The following ANO2 variants were observed in gnomAD, a reference collection of about 807,000 sequenced individuals.
ANO2 encodes anoctamin 2, also known as anoctamin-2.
ANO2 carries 101 observed loss-of-function variants against 124.2 expected under a neutral mutation model. The observed-to-expected ratio is 0.81, with a 90% CI of 0.69 to 0.96. The LOEUF (loss-of-function observed/expected upper bound fraction) is 0.96. ANO2 is among the 40% of genes least tolerant of loss of function. The pLI, the probability that ANO2 is intolerant of heterozygous loss-of-function variation, is 0.00. For synonymous variants in ANO2, 486 were observed against 482.5 expected, an observed-to-expected ratio of 1.01 and a Z score of -0.09; for missense variants, 1,293 against 1,274.5, an observed-to-expected ratio of 1.01 and a Z score of -0.22.
intron 10 of ANO2, among the ~76,000 whole-genome samples, chr12:5,778,313 A>G (rs1236326870): frequency 6.6e-6 from 1 of 152,222 alleles, no homozygotes; most frequent in Non-Finnish European, 1.5e-5. Context: ...AATAATGGAA[A>G]ACTAGGATTC....
chr12:5,791,982 A>C (rs113901179), intron 10 of ANO2, among the ~76,000 whole-genome samples: 5,987 of 152,172 alleles, frequency 0.039, 369 homozygotes, highest in African/African-American at 0.13. Context: ...TTGTAATATA[A>C]ATAAATGTAT....
rs1221149587 is a variant in ANO2, at chr12:5,563,211, G to C, written c.*88C>G. 1 of 1,481,546 alleles carries C rather than the reference G, an allele frequency of 6.7e-7. No individual in the cohort carries two copies. The highest frequency in any genetic ancestry group is 1.4e-5 in the African/African-American group (1 of 72,048). 91.8% of individuals were successfully genotyped at this position (1,481,546 alleles called of 1,614,324 possible). On this transcript the variant is annotated 3_prime_UTR_variant, in exon 25 of 25. Coordinates refer to ENST00000682330, the MANE Select transcript of ANO2 (RefSeq NM_001364791.2). Reference sequence around the variant, plus strand: ...CCATCAAGCCAGGCCCCTGCAGACAGACAGCACGCCATGTGGGTGTAGGAA... The same window carrying C: ...CCATCAAGCCAGGCCCCTGCAGACACACAGCACGCCATGTGGGTGTAGGAA...
At chr12:5,926,686 G>A (rs991637689) in intron 1 of ANO2, among the ~76,000 whole-genome samples, 30 of 152,160 alleles carry the variant, frequency 2.0e-4, no homozygotes, top group African/African-American at 7.2e-4. Flanking sequence ...GCTAATCAAG[G>A]TGTAAGACTG....
chr12:5,586,909 G>C (rs1447654582), intron 20 of ANO2, among the ~76,000 whole-genome samples: 5 of 152,314 alleles, frequency 3.3e-5, no homozygotes, highest in African/African-American at 1.2e-4. Context: ...TGCTATAGGA[G>C]ACCAGCTCTA....
At chr12:5,870,995 T>C (rs1937655977) in intron 3 of ANO2, among the ~76,000 whole-genome samples, 1 of 152,218 alleles carries the variant, frequency 6.6e-6, no homozygotes, top group Admixed American at 6.5e-5. Flanking sequence ...ATCAGTATAT[T>C]AAGTAATTTC....
chr12:5,572,784 G>C (rs1457412040), intron 23 of ANO2, among the ~76,000 whole-genome samples: 2 of 152,080 alleles, frequency 1.3e-5, no homozygotes, highest in Non-Finnish European at 2.9e-5. Flanking sequence ...AAATTTTTTT[G>C]GCAGAAATAT....
Position 5,627,175 on chromosome 12 carries a change from G to A in ANO2, c.1816+7977C>T, listed in dbSNP as rs545563127. Among the ~76,000 whole-genome samples, 4 of 152,286 alleles carry A rather than the reference G, an allele frequency of 2.6e-5. No individual in the cohort carries two copies. In the East Asian group the frequency reaches 7.7e-4, roughly 29 times the overall value. ...GTTTTATTAGTAGTCACAGCCTCCT[G>A]CCATCCTCTCTGTTTCCCAGACAAC... On this transcript the variant is annotated intron_variant, in intron 16 of 24. Transcript: ENST00000682330.
chr12:5,724,392 G>A (rs1020709301), intron 14 of ANO2, among the ~76,000 whole-genome samples: 18 of 152,112 alleles, frequency 1.2e-4, no homozygotes, highest in Admixed American at 1.2e-3. Flanking sequence ...TAAACCACCC[G>A]AAGCCTGCGT....
chr12:5,714,314 C>T, intron 14 of ANO2, among the ~76,000 whole-genome samples: 1 of 152,216 alleles, frequency 6.6e-6, no homozygotes, highest in East Asian at 1.9e-4. Flanking sequence ...CCCTTCCTAT[C>T]CTCCAAACAT....
chr12:5,801,778 A>G (rs1953048148), intron 9 of ANO2, among the ~76,000 whole-genome samples: 1 of 152,236 alleles, frequency 6.6e-6, no homozygotes. Context: ...ATTCATGAGC[A>G]CTGCTCCTGC....
At chr12:5,742,158 G>A (rs1218214068) in intron 12 of ANO2, among the ~76,000 whole-genome samples, 2 of 152,036 alleles carry the variant, frequency 1.3e-5, no homozygotes, top group Admixed American at 1.3e-4. Flanking sequence ...AGCAGCCCAA[G>A]TCTCTCTCTA....
intron 15 of ANO2, among the ~76,000 whole-genome samples, chr12:5,641,080 C>T (rs55932750): frequency 0.083 from 12,579 of 152,164 alleles, 641 homozygotes; most frequent in Admixed American, 0.15. Context: ...TGCAGGGACA[C>T]GGATGCAGCT....
At chr12:5,830,539 C>G (rs1034029075) in intron 5 of ANO2, 50 bp from the exon 6 acceptor site, 2 of 1,541,014 alleles carry the variant, frequency 1.3e-6, no homozygotes, top group Non-Finnish European at 1.8e-6. Flanking sequence ...TACCCTTGCC[C>G]TGAGACCACT....
Position 5,615,295 on chromosome 12 carries a change from C to G in ANO2, c.1819G>C (p.Val607Leu). Reference sequence around the variant, plus strand: ...TCAAAAGTCTGTTCTGTTTTCGGAACCTCTGTAAGAGAAGAGCGAGGCTGA... The same window carrying G: ...TCAAAAGTCTGTTCTGTTTTCGGAAGCTCTGTAAGAGAAGAGCGAGGCTGA... ...AVAKWLTKIEVPKTEQTFEER... is the reference protein window; with the variant it reads ...AVAKWLTKIELPKTEQTFEER... The change falls in exon 17 of 25, where the codon GTT (valine) becomes CTT (leucine). Residue 607 changes from valine to leucine, a missense_variant and splice_region_variant. Val to Leu is a conservative substitution (Grantham distance 32). Coordinates refer to ENST00000682330, the MANE Select transcript of ANO2 (RefSeq NM_001364791.2). 6.2e-7 allele frequency: 1 copy of G among 1,611,688 alleles called. No individual in the cohort carries two copies. Among genetic ancestry groups the G allele is most frequent in the Non-Finnish European group, 8.5e-7 (1 of 1,178,790 alleles).
intron 19 of ANO2, among the ~76,000 whole-genome samples, chr12:5,603,962 A>AAG (rs1236199781): frequency 3.3e-5 from 5 of 151,480 alleles, no homozygotes; most frequent in Admixed American, 1.3e-4. Context: ...AAAAAAAAAA[A>AAG]AAAGAAAATG....
chr12:5,941,363 G>A (rs1364124960), intron 1 of ANO2, among the ~76,000 whole-genome samples: 1 of 152,006 alleles, frequency 6.6e-6, no homozygotes, highest in South Asian at 2.1e-4. Context: ...AACTGGAGAC[G>A]GCAGAGAAAG....
intron 20 of ANO2, among the ~76,000 whole-genome samples, chr12:5,582,206 T>C (rs1942793175): frequency 1.3e-5 from 2 of 152,370 alleles, no homozygotes; most frequent in Non-Finnish European, 2.9e-5. Flanking sequence ...AGATTAAGCC[T>C]GGCCAAGCCA....
intron 3 of ANO2, among the ~76,000 whole-genome samples, chr12:5,875,469 A>T (rs1938030336): frequency 6.6e-6 from 1 of 152,196 alleles, no homozygotes; most frequent in African/African-American, 2.4e-5. Flanking sequence ...CAGCTCCTGG[A>T]TCCATTCCTC....
At chr12:5,759,716 T>G (rs1279267320) in intron 10 of ANO2, among the ~76,000 whole-genome samples, 1 of 151,370 alleles carries the variant, frequency 6.6e-6, no homozygotes, top group Non-Finnish European at 1.5e-5. Flanking sequence ...GGAAAAATTA[T>G]CTTCCACGAA....
Sources: gnomAD v4.1 joint callset for allele counts (sites outside exome capture counted in the v4.1 genomes callset) on GRCh38, gnomAD v4.1.1 for gene constraint, MANE v1.5 for transcripts, NCBI Gene and HGNC (gene_info 2026-07-23, HGNC 2026-07-21) for gene names.